Variants in HTR3E observed in about 807,000 individuals in gnomAD.
HTR3E encodes 5-hydroxytryptamine receptor 3E, also known as 5-hydroxytryptamine (serotonin) receptor 3, family member E.
HTR3E carries 38 observed loss-of-function variants against 38.0 expected under a neutral mutation model. That is an observed-to-expected ratio of 1.00 (90% confidence interval 0.77 to 1.31). The LOEUF is 1.31. HTR3E is among the 50% of genes most tolerant of loss of function. The pLI, the probability that HTR3E is intolerant of heterozygous loss-of-function variation, is 0.00. For synonymous variants in HTR3E, 210 were observed against 232.9 expected (o/e 0.90, Z 0.89); for missense variants, 547 against 585.2 (o/e 0.93, Z 0.67).
chr3:184,106,352 AG>A lies in HTR3E; in HGVS notation c.1141+10del, dbSNP rs1410582178. ...CCCCACCCACCTGCCCGGTGAGGGA[AG>A]TCACATTCCTCTTCCCCCACCTCCA... is the stretch of plus-strand genomic sequence containing the variant. On this transcript the variant is annotated intron_variant, in intron 8 of 8. Transcript: ENST00000415389. This position sits in a 1 kb window ranked among gnomAD's most constrained non-coding sequence, Gnocchi z 4.1. 6.2e-7 allele frequency: 1 copy of A among 1,603,026 alleles called. No individual in the cohort carries two copies. Among genetic ancestry groups the A allele is most frequent in the East Asian group, 2.3e-5 (1 of 44,182 alleles).
intron 1 of HTR3E, chr3:184,100,273 T>G: frequency 7.3e-7 from 1 of 1,378,268 alleles, no homozygotes; most frequent in South Asian, 1.3e-5. Flanking sequence ...TACATGAGGG[T>G]AAAGCAGTAT....
chr3:184,100,414 C>T lies in HTR3E; in HGVS notation c.68-71C>T, dbSNP rs1052205488. Reference sequence around the variant, plus strand: ...TATCACGGGCGACCCCACGCCCTGCCTTGGGGCCCCTCTCATATAGGGAGC... The same window carrying T: ...TATCACGGGCGACCCCACGCCCTGCTTTGGGGCCCCTCTCATATAGGGAGC... On this transcript the variant is annotated intron_variant, in intron 1 of 8. Transcript: ENST00000415389. 6 of 1,613,338 alleles carry T rather than the reference C, an allele frequency of 3.7e-6. No individual in the cohort carries two copies. The African/African-American group carries it at 6.7e-5, about 18-fold the overall frequency.
chr3:184,104,219 A>G lies in HTR3E; in HGVS notation c.317A>G (p.Glu106Gly). 1 of 1,613,164 alleles carries G rather than the reference A, an allele frequency of 6.2e-7. No homozygotes were observed. The highest frequency in any genetic ancestry group is 2.2e-5 in the East Asian group (1 of 44,764). Residue 106 changes from glutamate to glycine, a missense_variant, in exon 4 of 9, where the codon GAA becomes GGA. Glu to Gly is a moderately conservative substitution (Grantham distance 98). Transcript: ENST00000415389. ...DNPFISWNPE[E>G]CEGITKMSMA... ...CCATTTATCAGCTGGAACCCAGAGG[A>G]ATGTGAGGGCATCACGAAGATGAGT...
chr3:184,104,687 A>G (rs1712299069), intron 4 of HTR3E, 100 bp from the exon 5 acceptor site: 1 of 1,096,262 alleles, frequency 9.1e-7, no homozygotes, highest in Non-Finnish European at 1.3e-6. Flanking sequence ...ACTCTACTCC[A>G]GCCTGGGTGA....
intron 1 of HTR3E, 55 bp from the exon 2 acceptor site, chr3:184,100,428 CAT>C: frequency 6.2e-7 from 1 of 1,613,014 alleles, no homozygotes; most frequent in Non-Finnish European, 8.5e-7. Flanking sequence ...GGGCCCCTCT[CAT>C]ATAGGGAGCA....
At chr3:184,103,628 C>CAAAAAA (rs11441494) in intron 3 of HTR3E, among the ~76,000 whole-genome samples, 1 of 78,858 alleles carries the variant, frequency 1.3e-5, no homozygotes. Flanking sequence ...GACTCCATCT[C>CAAAAAA]AAAAAAAAAA....
In HTR3E at chr3:184,106,851, C is replaced by A; in HGVS notation, c.*158C>A. On this transcript the variant is annotated 3_prime_UTR_variant, in exon 9 of 9. Transcript: ENST00000415389. The surrounding 1 kb of genome is among the most constrained non-coding windows in gnomAD (Gnocchi z 4.1). ...CCAATCCGGTCCTGCTGATCAATTC[C>A]AATCCCAGACATTTCTCCCTGTTCC... is the stretch of plus-strand genomic sequence containing the variant. 2 of 743,642 alleles carry A rather than the reference C, an allele frequency of 2.7e-6. No individual in the cohort carries two copies. Among genetic ancestry groups the A allele is most frequent in the Non-Finnish European group, 4.4e-6 (2 of 458,968 alleles). 46.1% of individuals were successfully genotyped at this position (743,642 alleles called of 1,614,324 possible).
Position 184,106,975 on chromosome 3 carries a change from C to A in HTR3E, c.*282C>A. 2.8e-6 allele frequency: 1 copy of A among 363,118 alleles called. No homozygotes were observed. Among genetic ancestry groups the A allele is most frequent in the East Asian group, 4.7e-5 (1 of 21,112 alleles). The allele number at this position is 363,118 out of a possible 1,614,324, so 22.5% of individuals were successfully genotyped here. A position where few individuals can be genotyped will look rare whatever the true frequency, so the allele number is the denominator to read the frequency against. On this transcript the variant is annotated 3_prime_UTR_variant, in exon 9 of 9. Coordinates refer to ENST00000415389, the MANE Select transcript of HTR3E (RefSeq NM_001256613.2). The surrounding 1 kb of genome is among the most constrained non-coding windows in gnomAD (Gnocchi z 4.1). Reference sequence around the variant, plus strand: ...TACCTCTTCTGTCCGCTGACTTGCCCAATAAATAATTCTGCAGAGATTTCT... The same window carrying A: ...TACCTCTTCTGTCCGCTGACTTGCCAAATAAATAATTCTGCAGAGATTTCT...
intron 3 of HTR3E, among the ~76,000 whole-genome samples, chr3:184,102,431 T>A (rs1040843665): frequency 1.5e-5 from 2 of 135,976 alleles, no homozygotes; most frequent in Non-Finnish European, 3.0e-5. Flanking sequence ...GCCACTGCAC[T>A]GTAGCCTGGG....
chr3:184,100,160 G>A, intron 1 of HTR3E: 1 of 1,409,828 alleles, frequency 7.1e-7, no homozygotes, highest in African/African-American at 1.4e-5. Flanking sequence ...CACAGCAGCA[G>A]CAGACAAACC....
intron 2 of HTR3E, 33 bp downstream of exon 2, chr3:184,100,684 T>C (rs745452710): frequency 6.3e-5 from 101 of 1,593,936 alleles, no homozygotes; most frequent in Non-Finnish European, 7.9e-5. Flanking sequence ...CTCCTTGGTG[T>C]CCTTAACCTT....
rs758778015 is a variant in HTR3E at position 184,106,669 on chromosome 3, C to T, written c.1347C>T (p.Thr449=). 17 of 1,614,022 alleles carry T rather than the reference C, an allele frequency of 1.1e-5. No individual in the cohort carries two copies. The highest frequency in any genetic ancestry group is 5.5e-5 in the South Asian group (5 of 91,082). ...TCTTCATGGCCTCCTCTATCATCACCGTCATATGCCTCTGGAACACCTAGG... is the reference window on the plus strand; with the variant it reads ...TCTTCATGGCCTCCTCTATCATCACTGTCATATGCCTCTGGAACACCTAGG... ...YLLFMASSII[T]VICLWNT The change falls in exon 9 of 9, where the codon ACC becomes ACT. Residue 449 remains threonine, a synonymous_variant. Coordinates refer to ENST00000415389, the MANE Select transcript of HTR3E (RefSeq NM_001256613.2). The surrounding 1 kb of genome is among the most constrained non-coding windows in gnomAD (Gnocchi z 4.1).
chr3:184,106,201 G>A lies in HTR3E; in HGVS notation c.999G>A (p.Leu333=). ...AGACCATCTTCATCACCCACCTGCT[G>A]CACGTGGCCACCACCCAGCCCCCAC... The part of the protein sequence containing the change: ...LLETIFITHL[L]HVATTQPPPL... Residue 333 remains leucine, a synonymous_variant, in exon 8 of 9, where the codon CTG becomes CTA. Coordinates refer to ENST00000415389, the MANE Select transcript of HTR3E (RefSeq NM_001256613.2). The surrounding 1 kb of genome is among the most constrained non-coding windows in gnomAD (Gnocchi z 4.1). 1 of 1,612,658 alleles carries A rather than the reference G, an allele frequency of 6.2e-7. No homozygotes were observed. Among genetic ancestry groups the A allele is most frequent in the Non-Finnish European group, 8.5e-7 (1 of 1,179,976 alleles).
At chr3:184,099,818 G>T (rs1711904109) in intron 1 of HTR3E, among the ~76,000 whole-genome samples, 2 of 152,036 alleles carry the variant, frequency 1.3e-5, no homozygotes, top group Admixed American at 1.3e-4. Context: ...TAGAACGCTG[G>T]TGATAGAGTT....
At position 184,106,625 on chromosome 3, in the gene HTR3E, C is replaced by T; in HGVS notation, c.1303C>T (p.Leu435Phe). The T allele has an allele frequency of 6.2e-7, 1 of 1,614,204 alleles. No individual in the cohort carries two copies. Among genetic ancestry groups the T allele is most frequent in the Non-Finnish European group, 8.5e-7 (1 of 1,180,032 alleles). ...LQFSHAMDAMLFRLYLLFMAS... is the reference protein window; with the variant it reads ...LQFSHAMDAMFFRLYLLFMAS... ...GTTCAGCCACGCGATGGACGCCATG[C>T]TCTTCCGCCTCTACCTGCTCTTCAT... Residue 435 changes from leucine (L) to phenylalanine (F), a missense_variant, in exon 9 of 9, where the codon CTC becomes TTC. By Grantham distance (22) the Leu-to-Phe change is conservative. Coordinates refer to ENST00000415389, the MANE Select transcript of HTR3E (RefSeq NM_001256613.2). The surrounding 1 kb of genome is among the most constrained non-coding windows in gnomAD (Gnocchi z 4.1).
At position 184,097,432 on chromosome 3, in the gene HTR3E, T is replaced by C. The variant is rs1486638750; in HGVS notation, c.-98T>C. 3.8e-6 allele frequency: 3 copies of C among 788,372 alleles called. No homozygotes were observed. The highest frequency in any genetic ancestry group is 6.2e-6 in the Non-Finnish European group (3 of 480,632). The allele number at this position is 788,372 out of a possible 1,614,324, so 48.8% of individuals were successfully genotyped here. A position where few individuals can be genotyped will look rare whatever the true frequency, so the allele number is the denominator to read the frequency against. Reference sequence around the variant, plus strand: ...AATGTCAGTGGTCAACCAATGCTATTAGTATTCAAAGTCAGACTCTAGGTG... The same window carrying C: ...AATGTCAGTGGTCAACCAATGCTATCAGTATTCAAAGTCAGACTCTAGGTG... On this transcript the variant is annotated 5_prime_UTR_variant, in exon 1 of 9. It removes the in-frame stop codon of an upstream open reading frame in the 5' UTR. Coordinates refer to ENST00000415389, the MANE Select transcript of HTR3E (RefSeq NM_001256613.2).
At chr3:184,104,064 A>T (rs6443952) in intron 3 of HTR3E, 118 bp from the exon 4 acceptor site, 2 of 626,936 alleles carry the variant, frequency 3.2e-6, no homozygotes, top group Non-Finnish European at 5.0e-6. Context: ...GTAAATACAT[A>T]GATGTTTGTC....
chr3:184,105,870 G>A lies in HTR3E; in HGVS notation c.826G>A (p.Gly276Arg). 2 of 1,614,120 alleles carry A rather than the reference G, an allele frequency of 1.2e-6. No individual in the cohort carries two copies. The highest frequency in any genetic ancestry group is 1.3e-5 in the African/African-American group (1 of 75,012). The change falls in exon 7 of 9, where the codon GGG becomes AGG. Residue 276 changes from glycine (G) to arginine (R), a missense_variant. By Grantham distance (125) the Gly-to-Arg change is moderately radical. Coordinates refer to ENST00000415389, the MANE Select transcript of HTR3E (RefSeq NM_001256613.2). The stretch of plus-strand genomic sequence containing the variant: ...CAGCTTCTACCTGCCAGTGAAAAGT[G>A]GGAATCGTGTCCCATTCAAGATAAC... Reference protein sequence around the residue: ...ALSFYLPVKSGNRVPFKITLL... With the variant: ...ALSFYLPVKSRNRVPFKITLL...
rs150933161 is a variant in HTR3E, at chr3:184,104,244, T to C, written c.342T>C (p.Ser114=). Residue 114 remains serine (S), a synonymous_variant, in exon 4 of 9, where the codon AGT becomes AGC. Transcript: ENST00000415389. ...AATGTGAGGGCATCACGAAGATGAG[T>C]ATGGCAGCCAAGAACCTGTGGCTCC... The part of the protein sequence containing the change: ...PEECEGITKM[S]MAAKNLWLPD... The C allele has an allele frequency of 1.9e-6, 3 of 1,613,366 alleles. No homozygotes were observed. The highest frequency in any genetic ancestry group is 1.7e-6 in the Non-Finnish European group (2 of 1,179,808).
Sources: allele counts gnomAD v4.1 joint callset (sites outside exome capture counted in the v4.1 genomes callset), GRCh38; gene constraint gnomAD v4.1.1; non-coding constraint Gnocchi (gnomAD v3.1); transcripts MANE v1.5; gene names NCBI Gene and HGNC (gene_info 2026-07-23, HGNC 2026-07-21).